Variants in TOLLIP observed in about 807,000 individuals in gnomAD.
TOLLIP encodes toll-interacting protein.
Under a neutral mutation model 33.5 loss-of-function variants are expected in TOLLIP, and 16 were observed. That is an observed-to-expected ratio of 0.48 (90% confidence interval 0.32 to 0.72). The LOEUF is 0.72. Ranked by LOEUF, TOLLIP falls within the 30% of genes least tolerant of loss-of-function variation. The pLI is 0.03. For missense variants in TOLLIP, 325 were observed against 396.6 expected (o/e 0.82, Z 1.53); for synonymous variants, 176 against 163.7 (o/e 1.07, Z -0.57).
At chr11:1,306,392 T>C (rs987762350) in intron 1 of TOLLIP, among the ~76,000 whole-genome samples, 2 of 151,840 alleles carry the variant, frequency 1.3e-5, no homozygotes, top group African/African-American at 2.4e-5. Context: ...CGTCTCCCCT[T>C]ATCACTAGGG....
Position 1,288,703 on chromosome 11 carries a change from A to T in TOLLIP, c.440T>A (p.Val147Glu), listed in dbSNP as rs780732936. The T allele has an allele frequency of 2.5e-6, 4 of 1,612,610 alleles. No homozygotes were observed. The East Asian group carries it at 8.9e-5, about 36-fold the overall frequency. ...GCTCAGGCTGTACCACTTGTCCTCC[A>T]CCTTGCCCTGCCTCAGGGACTCCGG... ...TIPESLRQGKVEDKWYSLSGR... is the reference protein window; with the variant it reads ...TIPESLRQGKEEDKWYSLSGR... The change falls in exon 4 of 6, where the codon GTG (valine) becomes GAG (glutamate). Residue 147 changes from valine (V) to glutamate (E), a missense_variant. By Grantham distance (121) the Val-to-Glu change is moderately radical (BLOSUM62 -2). Transcript: ENST00000317204.
At chr11:1,309,096 G>C (rs935871023) in intron 1 of TOLLIP, among the ~76,000 whole-genome samples, 4 of 151,328 alleles carry the variant, frequency 2.6e-5, no homozygotes, top group Non-Finnish European at 5.9e-5. Flanking sequence ...CTGGGCACCG[G>C]GCCCTCCTCC....
intron 1 of TOLLIP, chr11:1,298,669 T>C (rs1864180963): frequency 6.6e-6 from 1 of 152,232 alleles, no homozygotes; most frequent in African/African-American, 2.4e-5. Flanking sequence ...TTTTTAAACA[T>C]AAACCGTGTG....
rs1228662852 is a variant in TOLLIP, at chr11:1,277,992, G to A, written c.611-739C>T. Among the ~76,000 whole-genome samples the A allele has an allele frequency of 6.6e-6, 1 of 152,180 alleles. No homozygotes were observed. On this transcript the variant is annotated intron_variant, in intron 5 of 5. Transcript: ENST00000317204. The surrounding 1 kb of genome is among the most constrained non-coding windows in gnomAD (Gnocchi z 4.2). ...CCTGGCATCTCCACCCCACAGCTAC[G>A]CAGGCCCCTCGCCCCATGTCTGATG... is the stretch of plus-strand genomic sequence containing the variant.
Position 1,282,104 on chromosome 11 carries a change from T to C in TOLLIP, c.610+3898A>G, listed in dbSNP as rs148718519. Among the ~76,000 whole-genome samples the C allele has an allele frequency of 2.2e-3, 335 of 152,350 alleles. 5 individuals carry two copies. Among genetic ancestry groups the C allele is most frequent in the African/African-American group, 7.6e-3 (318 of 41,588 alleles). On this transcript the variant is annotated intron_variant, in intron 5 of 5. Transcript: ENST00000317204. ...ACTTCAAAGGCTCCTAAAAGCAGTG[T>C]TCTCCTAATGGGAACCAGGGCTCCT... is the stretch of plus-strand genomic sequence containing the variant.
chr11:1,286,142 T>A, intron 4 of TOLLIP, 50 bp from the exon 5 acceptor site: 1 of 1,444,216 alleles, frequency 6.9e-7, no homozygotes, highest in Non-Finnish European at 9.5e-7. Context: ...CATCCACCCA[T>A]CAGAACCTCG....
chr11:1,287,391 TGCTGCCTCCCCGCCGCAGCCTCCCCGCC>T (rs1564969327), intron 4 of TOLLIP, among the ~76,000 whole-genome samples: 13 of 100,036 alleles, frequency 1.3e-4, no homozygotes, highest in East Asian at 2.4e-4. Flanking sequence ...AGCTCCCTGC[TGCTGCCTCCCCGCCGCAGCCTCCCCGCC>T]GCACCCTCCC....
chr11:1,302,529 G>C (rs1201101271), intron 1 of TOLLIP: 12 of 967,476 alleles, frequency 1.2e-5, no homozygotes, highest in Non-Finnish European at 1.5e-5. Context: ...CTCAGCTGCT[G>C]GCTCCCTCAC....
chr11:1,302,950 C>A (rs1864325553), intron 1 of TOLLIP, among the ~76,000 whole-genome samples: 3 of 152,178 alleles, frequency 2.0e-5, no homozygotes, highest in South Asian at 4.1e-4. Context: ...CTTCCTATCA[C>A]CCCCTCCCCT....
At chr11:1,302,276 A>G (rs1462345084) in intron 1 of TOLLIP, among the ~76,000 whole-genome samples, 1 of 152,234 alleles carries the variant, frequency 6.6e-6, no homozygotes, top group Non-Finnish European at 1.5e-5. Context: ...GTGGGCAGTC[A>G]GGACAGACCC....
chr11:1,280,824 C>G (rs1452761987), intron 5 of TOLLIP, among the ~76,000 whole-genome samples: 2 of 152,184 alleles, frequency 1.3e-5, no homozygotes, highest in Non-Finnish European at 2.9e-5. Context: ...CGTGGGGACC[C>G]TCAGGGCAGA....
In TOLLIP at chr11:1,275,905, T is replaced by A. The variant is rs1289529967; in HGVS notation, c.*1134A>T. 1 of 152,142 alleles carries A rather than the reference T, an allele frequency of 6.6e-6. No individual in the cohort carries two copies. The highest frequency in any genetic ancestry group is 6.5e-5 in the Admixed American group (1 of 15,282). 9.4% of individuals were successfully genotyped at this position (152,142 alleles called of 1,614,324 possible). A position where few individuals can be genotyped will look rare whatever the true frequency, so the allele number is the denominator to read the frequency against. On this transcript the variant is annotated 3_prime_UTR_variant, in exon 6 of 6. Coordinates refer to ENST00000317204, the MANE Select transcript of TOLLIP (RefSeq NM_019009.4). ...GAACCACAAACACCAGACATGCAGG[T>A]GTCTCAATGGCATGCAGATTATTTA...
Position 1,276,554 on chromosome 11 carries a change from A to C in TOLLIP, c.*485T>G, listed in dbSNP as rs940802943. ...CCTGGGCAGGGGCCAGGCTCACAGC[A>C]AAGCGCGTTAGGGCAAGGGCGTGAG... On this transcript the variant is annotated 3_prime_UTR_variant, in exon 6 of 6. Coordinates refer to ENST00000317204, the MANE Select transcript of TOLLIP (RefSeq NM_019009.4). 4.3e-5 allele frequency: 34 copies of C among 782,500 alleles called. No individual in the cohort carries two copies. The African/African-American group carries it at 5.6e-4, about 13-fold the overall frequency. The allele number at this position is 782,500 out of a possible 1,614,324, so 48.5% of individuals were successfully genotyped here. A position where few individuals can be genotyped will look rare whatever the true frequency, so the allele number is the denominator to read the frequency against.
At chr11:1,298,264 G>A (rs555620261) in intron 1 of TOLLIP, 43 of 152,462 alleles carry the variant, frequency 2.8e-4, no homozygotes, top group African/African-American at 8.4e-4. Flanking sequence ...ACAGACAGGC[G>A]GCTCGTGCCC....
Position 1,290,887 on chromosome 11 carries a change from G to A in TOLLIP, c.184-478C>T, listed in dbSNP as rs5743951. The A allele has an allele frequency of 0.062, 9,624 of 155,528 alleles. 345 individuals are homozygous for A. The highest frequency in any genetic ancestry group is 0.11 in the Admixed American group (1,758 of 15,926). The allele number at this position is 155,528 out of a possible 1,614,324, so 9.6% of individuals were successfully genotyped here. ...GACACCTGCTGCACATAATTCAGAC[G>A]CCACGTGGCTGCTTTCCTCCCTCGT... On this transcript the variant is annotated intron_variant, in intron 2 of 5. Coordinates refer to ENST00000317204, the MANE Select transcript of TOLLIP (RefSeq NM_019009.4). The surrounding 1 kb of genome is among the most constrained non-coding windows in gnomAD (Gnocchi z 4.9).
intron 1 of TOLLIP, 65 bp downstream of exon 1, chr11:1,309,400 TG>T: frequency 1.0e-6 from 1 of 968,262 alleles, no homozygotes; most frequent in Non-Finnish European, 1.3e-6. Context: ...GCAGTAGCCC[TG>T]ACCCAAGGCC....
In TOLLIP at chr11:1,275,303, G is replaced by A. The variant is rs1349464700; in HGVS notation, c.*1736C>T. On this transcript the variant is annotated 3_prime_UTR_variant, in exon 6 of 6. Coordinates refer to ENST00000317204, the MANE Select transcript of TOLLIP (RefSeq NM_019009.4). ...GAAACCGGTGCTGGTGGCCACACCT[G>A]GGCGCCTGGACACCGAAGCCCCCAG... 6.6e-6 allele frequency: 1 copy of A among 152,290 alleles called. No individual in the cohort carries two copies. The highest frequency in any genetic ancestry group is 1.5e-5 in the Non-Finnish European group (1 of 68,068). The allele number at this position is 152,290 out of a possible 1,614,324, so 9.4% of individuals were successfully genotyped here. A position where few individuals can be genotyped will look rare whatever the true frequency, so the allele number is the denominator to read the frequency against.
At chr11:1,296,592 T>G (rs1285454787) in intron 1 of TOLLIP, among the ~76,000 whole-genome samples, 2 of 140,336 alleles carry the variant, frequency 1.4e-5, no homozygotes, top group African/African-American at 5.4e-5. Context: ...GGAGGCCTGG[T>G]TGCTGGTGGA....
At chr11:1,288,914 G>A (rs5743968) in intron 3 of TOLLIP, 138 bp from the exon 4 acceptor site, 22,570 of 900,220 alleles carry the variant, frequency 0.025, 408 homozygotes, top group Non-Finnish European at 0.028. Flanking sequence ...ACACCCCATC[G>A]ATGAGACCCC....
Sources: gnomAD v4.1 joint callset for allele counts (sites outside exome capture counted in the v4.1 genomes callset) on GRCh38, gnomAD v4.1.1 for gene constraint, Gnocchi (gnomAD v3.1) non-coding constraint, MANE v1.5 for transcripts, NCBI Gene and HGNC (gene_info 2026-07-23, HGNC 2026-07-21) for gene names.